Variants in PPP2R2A observed in about 807,000 individuals in gnomAD.
The protein encoded by PPP2R2A is serine/threonine-protein phosphatase 2A 55 kDa regulatory subunit B alpha isoform.
In PPP2R2A, 9 loss-of-function variants were observed where a neutral mutation model predicts 53.2. That is an observed-to-expected ratio of 0.17 (90% CI 0.10 to 0.30). PPP2R2A has a LOEUF of 0.30. Among genes scored for constraint, PPP2R2A ranks in the 10% least tolerant of loss-of-function variants. The pLI, the probability that PPP2R2A is intolerant of heterozygous loss-of-function variation, is 1.00. For synonymous variants in PPP2R2A, 169 were observed against 174.2 expected (o/e 0.97, Z 0.23); for missense variants, 235 against 534.6 (o/e 0.44, Z 5.53).
At chr8:26,365,324 C>T (rs906624866) in intron 8 of PPP2R2A, 7 of 152,094 alleles carry the variant, frequency 4.6e-5, no homozygotes, top group African/African-American at 1.7e-4. Context: ...GTGTTACATG[C>T]TCACTTTTGA....
At chr8:26,301,898 G>A (rs1801807828) in intron 2 of PPP2R2A, among the ~76,000 whole-genome samples, 1 of 152,156 alleles carries the variant, frequency 6.6e-6, no homozygotes, top group Non-Finnish European at 1.5e-5. Flanking sequence ...TACCTGTAGA[G>A]GTAATCTTCA....
At chr8:26,300,135 TGA>T (rs1432399972) in intron 2 of PPP2R2A, among the ~76,000 whole-genome samples, 1 of 152,194 alleles carries the variant, frequency 6.6e-6, no homozygotes, top group African/African-American at 2.4e-5. Context: ...CAAAAAATTA[TGA>T]GAGAGAATGG....
chr8:26,304,335 A>G (rs756119601), intron 2 of PPP2R2A, among the ~76,000 whole-genome samples: 72 of 151,054 alleles, frequency 4.8e-4, no homozygotes, highest in Non-Finnish European at 7.8e-4. Context: ...CATTAGAAGG[A>G]TATATTGGAT....
intron 3 of PPP2R2A, chr8:26,350,484 C>CA (rs1227426403): frequency 6.6e-6 from 1 of 152,210 alleles, no homozygotes; most frequent in Non-Finnish European, 1.5e-5. Context: ...ACTGTAGCCT[C>CA]AAACTTCTGG....
At chr8:26,333,483 CA>C in intron 2 of PPP2R2A, 1 of 1,220,300 alleles carries the variant, frequency 8.2e-7, no homozygotes, top group Middle Eastern at 2.4e-4. Flanking sequence ...TAATTTCTTT[CA>C]GATCACTTAT....
intron 2 of PPP2R2A, among the ~76,000 whole-genome samples, chr8:26,329,879 C>A (rs1295859787): frequency 1.3e-5 from 2 of 152,204 alleles, no homozygotes; most frequent in Admixed American, 6.5e-5. Flanking sequence ...CACATCACTA[C>A]TGCAATGCTG....
chr8:26,294,330 G>A (rs2117178942), intron 2 of PPP2R2A, among the ~76,000 whole-genome samples: 1 of 152,270 alleles, frequency 6.6e-6, no homozygotes, highest in East Asian at 1.9e-4. Flanking sequence ...TTGTCTTTTA[G>A]GAATCGTATA....
rs73675960 is a variant in PPP2R2A, at chr8:26,366,421, C to T, written c.1064+15C>T. 5 of 1,524,156 alleles carry T rather than the reference C, an allele frequency of 3.3e-6. No individual in the cohort carries two copies. Among genetic ancestry groups the T allele is most frequent in the African/African-American group, 1.4e-5 (1 of 71,100 alleles). 94.4% of individuals were successfully genotyped at this position (1,524,156 alleles called of 1,614,324 possible). A position where few individuals can be genotyped will look rare whatever the true frequency, so the allele number is the denominator to read the frequency against. ...GGATCTGACAGGTAATTAAGTCAAA[C>T]CTCTCAAATATGAATTTTATTAAAG... On this transcript the variant is annotated intron_variant, in intron 9 of 9. Coordinates refer to ENST00000380737, the MANE Select transcript of PPP2R2A (RefSeq NM_002717.4).
intron 2 of PPP2R2A, among the ~76,000 whole-genome samples, chr8:26,295,157 T>A (rs1801490187): frequency 6.6e-6 from 1 of 152,234 alleles, no homozygotes; most frequent in Non-Finnish European, 1.5e-5. Context: ...GAAAATGTTC[T>A]TTGGTTGAAT....
intron 2 of PPP2R2A, among the ~76,000 whole-genome samples, chr8:26,296,471 C>G (rs1801543928): frequency 1.3e-5 from 2 of 152,202 alleles, no homozygotes; most frequent in Admixed American, 1.3e-4. Context: ...GTTCTCTTAC[C>G]AGGATCCTGC....
intron 9 of PPP2R2A, among the ~76,000 whole-genome samples, chr8:26,369,628 G>A (rs1004989877): frequency 1.3e-5 from 2 of 152,134 alleles, no homozygotes; most frequent in Non-Finnish European, 2.9e-5. Context: ...TCCTGACGTC[G>A]TGATCTGCCC....
chr8:26,292,363 G>A, intron 1 of PPP2R2A: 2 of 986,044 alleles, frequency 2.0e-6, no homozygotes, highest in Non-Finnish European at 2.4e-6. Context: ...TTTTGAGACT[G>A]GAAGCCTAAA....
chr8:26,358,968 T>C (rs1385648686), intron 4 of PPP2R2A: 6 of 455,910 alleles, frequency 1.3e-5, no homozygotes, highest in South Asian at 7.7e-5. Context: ...GAAAGAGTCA[T>C]TGTATAGTGG....
At position 26,363,898 on chromosome 8, in the gene PPP2R2A, A is replaced by G. The variant is rs770795203; in HGVS notation, c.972+8A>G. 1 of 1,574,476 alleles carries G rather than the reference A, an allele frequency of 6.4e-7. No homozygotes were observed. The highest frequency in any genetic ancestry group is 8.6e-7 in the Non-Finnish European group (1 of 1,156,346). ...CCTGTGGAAACATACCAGGTATTTGAGTTTTTTCTTTCAATGAGCATATAC... is the reference window on the plus strand; with the variant it reads ...CCTGTGGAAACATACCAGGTATTTGGGTTTTTTCTTTCAATGAGCATATAC... On this transcript the variant is annotated splice_region_variant and intron_variant, in intron 8 of 9. Transcript: ENST00000380737.
rs9773739 is a variant in PPP2R2A, at chr8:26,362,053, T to A, written c.638-631T>A. Among the ~76,000 whole-genome samples the A allele has an allele frequency of 6.8e-6, 1 of 147,544 alleles. No individual in the cohort carries two copies. The highest frequency in any genetic ancestry group is 2.5e-5 in the African/African-American group (1 of 39,638). ...ATTAAGATTAATCTTAAGATTAGATTAAGATTAATTTTAAGATTAGAAAAA... is the reference window on the plus strand; with the variant it reads ...ATTAAGATTAATCTTAAGATTAGATAAAGATTAATTTTAAGATTAGAAAAA... On this transcript the variant is annotated intron_variant, in intron 6 of 9. Coordinates refer to ENST00000380737, the MANE Select transcript of PPP2R2A (RefSeq NM_002717.4). This position sits in a 1 kb window ranked among gnomAD's most constrained non-coding sequence, Gnocchi z 4.4.
At position 26,360,215 on chromosome 8, in the gene PPP2R2A, A is replaced by G. The variant is rs756037049; in HGVS notation, c.393A>G (p.Pro131=). The G allele has an allele frequency of 6.2e-7, 1 of 1,611,072 alleles. No homozygotes were observed. Among genetic ancestry groups the G allele is most frequent in the Non-Finnish European group, 8.5e-7 (1 of 1,177,804 alleles). ...LWKISERDKR[P]EGYNLKEEDG... Reference sequence around the variant, plus strand: ...AAATCAGTGAAAGGGACAAAAGACCAGAAGGGTATAACTTGAAAGAGGAGG... The same window carrying G: ...AAATCAGTGAAAGGGACAAAAGACCGGAAGGGTATAACTTGAAAGAGGAGG... Residue 131 remains proline, a synonymous_variant, in exon 5 of 10, where the codon CCA becomes CCG. Coordinates refer to ENST00000380737, the MANE Select transcript of PPP2R2A (RefSeq NM_002717.4). The surrounding 1 kb of genome is among the most constrained non-coding windows in gnomAD (Gnocchi z 4.5).
intron 2 of PPP2R2A, among the ~76,000 whole-genome samples, chr8:26,294,037 G>A (rs1186019118): frequency 6.6e-6 from 1 of 152,142 alleles, no homozygotes; most frequent in African/African-American, 2.4e-5. Context: ...TCTTTGTTAT[G>A]TAAATTCCAC....
chr8:26,298,475 T>G (rs1801638772), intron 2 of PPP2R2A: 5 of 152,210 alleles, frequency 3.3e-5, no homozygotes, highest in Admixed American at 3.3e-4. Flanking sequence ...TCACCCCCAT[T>G]TCTGTCCCCA....
intron 2 of PPP2R2A, among the ~76,000 whole-genome samples, chr8:26,307,130 A>AT (rs1802060693): frequency 6.6e-6 from 1 of 152,210 alleles, no homozygotes; most frequent in Non-Finnish European, 1.5e-5. Context: ...TCTTTTAACC[A>AT]GTAGATTAAA....
Sources: allele counts gnomAD v4.1 joint callset (sites outside exome capture counted in the v4.1 genomes callset), GRCh38; gene constraint gnomAD v4.1.1; non-coding constraint Gnocchi (gnomAD v3.1); transcripts MANE v1.5; gene names NCBI Gene and HGNC (gene_info 2026-07-23, HGNC 2026-07-21).